PTPRO: variants seen among roughly 807,000 people sequenced by gnomAD.
PTPRO encodes protein tyrosine phosphatase receptor type O.
Under a neutral mutation model 145.2 loss-of-function variants are expected in PTPRO, and 62 were observed. The observed-to-expected ratio is 0.43, with a 90% CI of 0.35 to 0.53. The LOEUF is 0.53. Ranked by LOEUF, PTPRO falls within the 20% of genes least tolerant of loss-of-function variation. PTPRO has a pLI of 0.01. For synonymous variants in PTPRO, 565 were observed against 514.7 expected (o/e 1.10, Z -1.32); for missense variants, 1,345 against 1,482.7 (o/e 0.91, Z 1.53).
chr12:15,462,273 C>T (rs1941321881), intron 1 of PTPRO, among the ~76,000 whole-genome samples: 1 of 152,134 alleles, frequency 6.6e-6, no homozygotes, highest in Non-Finnish European at 1.5e-5. Flanking sequence ...TACAGGCATG[C>T]TTCACCATGC....
At chr12:15,407,701 C>T (rs1041982794) in intron 1 of PTPRO, among the ~76,000 whole-genome samples, 5 of 152,176 alleles carry the variant, frequency 3.3e-5, no homozygotes, top group African/African-American at 1.2e-4. Flanking sequence ...TCCTCTTCTT[C>T]TTCATTATTC....
intron 1 of PTPRO, among the ~76,000 whole-genome samples, chr12:15,424,646 C>T (rs1565621546): frequency 6.6e-6 from 1 of 151,898 alleles, no homozygotes; most frequent in Non-Finnish European, 1.5e-5. Context: ...AAGAGGGTCA[C>T]CTTATCTCTT....
At chr12:15,589,777 C>T (rs545693781) in intron 25 of PTPRO, among the ~76,000 whole-genome samples, 187 bp downstream of exon 25, 5 of 152,076 alleles carry the variant, frequency 3.3e-5, no homozygotes, top group East Asian at 1.9e-4. Context: ...GAAATCCATT[C>T]GACATATAGT....
At chr12:15,404,544 T>C (rs1417045857) in intron 1 of PTPRO, among the ~76,000 whole-genome samples, 2 of 152,216 alleles carry the variant, frequency 1.3e-5, no homozygotes, top group Non-Finnish European at 2.9e-5. Flanking sequence ...TCCACTTTGC[T>C]CTTTGGCTTT....
intron 1 of PTPRO, among the ~76,000 whole-genome samples, chr12:15,479,778 G>C (rs1468680135): frequency 2.0e-5 from 3 of 152,174 alleles, no homozygotes; most frequent in Non-Finnish European, 4.4e-5. Context: ...GAGGCAGGGA[G>C]GTAGGGCACA....
At chr12:15,370,986 T>G (rs1224546770) in intron 1 of PTPRO, among the ~76,000 whole-genome samples, 1 of 152,160 alleles carries the variant, frequency 6.6e-6, no homozygotes, top group Non-Finnish European at 1.5e-5. Context: ...ACATGGATAA[T>G]GTACATAATG....
At chr12:15,369,313 A>AT (rs1381752014) in intron 1 of PTPRO, among the ~76,000 whole-genome samples, 4 of 152,120 alleles carry the variant, frequency 2.6e-5, no homozygotes, top group Non-Finnish European at 5.9e-5. Context: ...GAAAGCAGCC[A>AT]TTTTTTTCTC....
chr12:15,587,154 A>G, intron 24 of PTPRO, 103 bp downstream of exon 24: 1 of 1,287,542 alleles, frequency 7.8e-7, no homozygotes, highest in Non-Finnish European at 1.1e-6. Context: ...TTGAAAATTA[A>G]ATAAACTCTG....
At chr12:15,468,031 G>A (rs1941456160) in intron 1 of PTPRO, among the ~76,000 whole-genome samples, 1 of 151,864 alleles carries the variant, frequency 6.6e-6, no homozygotes, top group Non-Finnish European at 1.5e-5. Context: ...ATCATCTTGG[G>A]GGCTCTCATC....
intron 11 of PTPRO, among the ~76,000 whole-genome samples, chr12:15,525,676 A>G (rs1474959777): frequency 6.6e-6 from 1 of 152,208 alleles, no homozygotes; most frequent in Non-Finnish European, 1.5e-5. Flanking sequence ...TGTGACTTCT[A>G]CTTACAATCC....
intron 1 of PTPRO, among the ~76,000 whole-genome samples, chr12:15,397,596 A>C (rs887104929): frequency 1.3e-5 from 2 of 152,146 alleles, no homozygotes; most frequent in Non-Finnish European, 2.9e-5. Context: ...CACAACCCTC[A>C]GTGCTGGCCC....
chr12:15,516,459 GAAAGAGAGAGAAAAAGAA>G (rs1254867102), intron 8 of PTPRO, among the ~76,000 whole-genome samples: 1 of 124,008 alleles, frequency 8.1e-6, no homozygotes, highest in African/African-American at 2.9e-5. Context: ...AAGAGAGTGA[GAAAGAGAGAGAAAAAGAA>G]AAAGAGAGAG....
chr12:15,521,911 T>C (rs1450307101), intron 10 of PTPRO, among the ~76,000 whole-genome samples: 1 of 152,194 alleles, frequency 6.6e-6, no homozygotes, highest in Non-Finnish European at 1.5e-5. Context: ...TGTGGATCAA[T>C]AAACTATGGT....
At position 15,585,822 on chromosome 12, in the gene PTPRO, T is replaced by G. The variant is rs896040953; in HGVS notation, c.3256-1075T>G. Among the ~76,000 whole-genome samples, 3 of 152,320 alleles carry G rather than the reference T, an allele frequency of 2.0e-5. No homozygotes were observed. In the South Asian group the frequency reaches 6.2e-4, roughly 32 times the overall value. The stretch of plus-strand genomic sequence containing the variant: ...GATGGCTGATAACAAGTGGAGAATA[T>G]GTAACTCTTACAAGTTAGTTGGGAC... On this transcript the variant is annotated intron_variant, in intron 23 of 26. Transcript: ENST00000281171.
chr12:15,411,261 T>C (rs1386147919), intron 1 of PTPRO, among the ~76,000 whole-genome samples: 1 of 152,220 alleles, frequency 6.6e-6, no homozygotes. Flanking sequence ...TGGTCAAAGT[T>C]GTATTTGCCT....
intron 1 of PTPRO, among the ~76,000 whole-genome samples, chr12:15,434,966 T>C (rs1196611866): frequency 6.6e-6 from 1 of 152,220 alleles, no homozygotes; most frequent in Non-Finnish European, 1.5e-5. Flanking sequence ...CAAAGAAGCA[T>C]TAGCATCTCT....
chr12:15,377,823 A>G (rs183420452), intron 1 of PTPRO, among the ~76,000 whole-genome samples: 83 of 152,256 alleles, frequency 5.5e-4, no homozygotes, highest in African/African-American at 1.9e-3. Flanking sequence ...ATAAAATCGG[A>G]AACCAATAAC....
chr12:15,342,467 A>G (rs1867032804), intron 1 of PTPRO, among the ~76,000 whole-genome samples: 2 of 152,196 alleles, frequency 1.3e-5, no homozygotes, highest in African/African-American at 4.8e-5. Context: ...TGTGCCAAAT[A>G]CTGTGCTAAT....
At chr12:15,457,183 C>T (rs923400709) in intron 1 of PTPRO, among the ~76,000 whole-genome samples, 1 of 152,294 alleles carries the variant, frequency 6.6e-6, no homozygotes, top group Admixed American at 6.5e-5. Context: ...GGCTCTTGGG[C>T]CTTTGGCCAC....
Sources: allele counts gnomAD v4.1 joint callset (sites outside exome capture counted in the v4.1 genomes callset), GRCh38; gene constraint gnomAD v4.1.1; transcripts MANE v1.5; gene names NCBI Gene and HGNC (gene_info 2026-07-23, HGNC 2026-07-21).